The following INPP4B variants were observed in gnomAD, a reference collection of about 807,000 sequenced individuals.
INPP4B encodes inositol polyphosphate-4-phosphatase type II B.
Under a neutral mutation model 122.5 loss-of-function variants are expected in INPP4B, and 55 were observed. The ratio of observed to expected loss-of-function variants is 0.45; its 90% CI spans 0.36 to 0.56. The LOEUF (loss-of-function observed/expected upper bound fraction) is 0.56, where lower values mean the gene tolerates loss of function less well. Ranked by LOEUF, INPP4B falls within the 20% of genes least tolerant of loss-of-function variation. INPP4B has a pLI of 0.00. For synonymous variants in INPP4B, 403 were observed against 388.7 expected (o/e 1.04, Z -0.43); for missense variants, 1,000 against 1,097.7 (o/e 0.91, Z 1.26).
At chr4:142,390,400 C>T (rs538245849) in intron 7 of INPP4B, among the ~76,000 whole-genome samples, 1 of 152,242 alleles carries the variant, frequency 6.6e-6, no homozygotes, top group Non-Finnish European at 1.5e-5. Flanking sequence ...TTTGAGTCAT[C>T]ATTTTGGCTA....
chr4:142,732,946 A>G (rs1316651646), intron 1 of INPP4B, among the ~76,000 whole-genome samples: 1 of 152,194 alleles, frequency 6.6e-6, no homozygotes, highest in Non-Finnish European at 1.5e-5. Flanking sequence ...TAAGACAGTA[A>G]CTGGTACAAA....
intron 12 of INPP4B, among the ~76,000 whole-genome samples, chr4:142,210,840 T>A (rs1417451431): frequency 6.6e-6 from 1 of 151,730 alleles, no homozygotes; most frequent in South Asian, 2.1e-4. Flanking sequence ...GGTAGAAGAG[T>A]GATAGTGAAG....
intron 12 of INPP4B, among the ~76,000 whole-genome samples, chr4:142,215,190 GT>G (rs1389227093): frequency 6.6e-6 from 1 of 152,164 alleles, no homozygotes; most frequent in Non-Finnish European, 1.5e-5. Flanking sequence ...AAAACTGCTT[GT>G]TTATCTCAGA....
intron 2 of INPP4B, among the ~76,000 whole-genome samples, chr4:142,618,911 A>C (rs1443250785): frequency 2.6e-5 from 4 of 151,898 alleles, no homozygotes; most frequent in Non-Finnish European, 5.9e-5. Context: ...ATAACAGCCA[A>C]ATAAAAATAT....
In INPP4B at chr4:142,160,973, G is replaced by A. The variant is rs544860273; in HGVS notation, c.1360-412C>T. On this transcript the variant is annotated intron_variant, in intron 16 of 25. Transcript: ENST00000262992. The stretch of plus-strand genomic sequence containing the variant: ...AGTCTATGTGTATTTTATTAAAACC[G>A]CAATTACTTTTGCACCAGCCTAATA... 7.2e-5 allele frequency among the ~76,000 whole-genome samples: 11 copies of A among 151,996 alleles called. No individual in the cohort carries two copies. In the East Asian group the frequency reaches 7.8e-4, roughly 11 times the overall value.
intron 3 of INPP4B, among the ~76,000 whole-genome samples, chr4:142,452,315 C>T (rs1454572940): frequency 6.6e-6 from 1 of 152,142 alleles, no homozygotes; most frequent in African/African-American, 2.4e-5. Context: ...AACAGTGACC[C>T]GATGTCCTGA....
chr4:142,702,169 T>A (rs1192147201), intron 2 of INPP4B, among the ~76,000 whole-genome samples: 2 of 152,102 alleles, frequency 1.3e-5, no homozygotes, highest in Non-Finnish European at 2.9e-5. Flanking sequence ...TTTGTCCTCT[T>A]TAAGCTTTAG....
In INPP4B at chr4:142,288,736, C is replaced by T. The variant is rs1026363541; in HGVS notation, c.503+16722G>A. 8.6e-5 allele frequency among the ~76,000 whole-genome samples: 13 copies of T among 151,946 alleles called. 1 individual carries two copies. Among genetic ancestry groups the T allele is most frequent in the South Asian group, 2.1e-4 (1 of 4,816 alleles). On this transcript the variant is annotated intron_variant, in intron 9 of 25. Transcript: ENST00000262992. ...TTTCTTTTTCTCTGAAACATAACAG[C>T]GATATAGTATTGGGTAATTTGCTCA...
At chr4:142,632,204 G>A (rs961828173) in intron 2 of INPP4B, among the ~76,000 whole-genome samples, 2 of 152,108 alleles carry the variant, frequency 1.3e-5, no homozygotes, top group African/African-American at 2.4e-5. Context: ...ACTAGCATCC[G>A]ACATGGGGTC....
intron 16 of INPP4B, among the ~76,000 whole-genome samples, chr4:142,165,245 T>TATTCAACA (rs34003661): frequency 1 from 151,312 of 151,780 alleles, 75,423 homozygotes; most frequent in Middle Eastern, 1. Flanking sequence ...GTATCATTAG[T>TATTCAACA]ACTCAGAGTC....
At chr4:142,624,006 G>A (rs560233163) in intron 2 of INPP4B, among the ~76,000 whole-genome samples, 17 of 152,096 alleles carry the variant, frequency 1.1e-4, no homozygotes, top group Middle Eastern at 3.4e-3. Flanking sequence ...CTTTGCTATC[G>A]TGAATACTGC....
chr4:142,124,144 A>G (rs1178687627), intron 19 of INPP4B, among the ~76,000 whole-genome samples: 1 of 152,120 alleles, frequency 6.6e-6, no homozygotes, highest in Non-Finnish European at 1.5e-5. Flanking sequence ...TTTTAAAAAC[A>G]AAATAAGAGA....
intron 7 of INPP4B, among the ~76,000 whole-genome samples, chr4:142,315,927 A>C (rs902050613): frequency 2.6e-5 from 4 of 151,860 alleles, no homozygotes; most frequent in Non-Finnish European, 5.9e-5. Context: ...GACATACCTG[A>C]CCATACCAGG....
intron 3 of INPP4B, among the ~76,000 whole-genome samples, chr4:142,444,912 C>T (rs188102293): frequency 1.3e-5 from 2 of 151,992 alleles, no homozygotes; most frequent in South Asian, 4.1e-4. Flanking sequence ...AAACACACAG[C>T]CACGAAAAAC....
chr4:142,797,539 C>T (rs1451930373), intron 1 of INPP4B, among the ~76,000 whole-genome samples: 1 of 151,706 alleles, frequency 6.6e-6, no homozygotes, highest in Non-Finnish European at 1.5e-5. Flanking sequence ...AAAATGAAGA[C>T]AGAAAATATT....
At chr4:142,721,343 G>A (rs978489303) in intron 2 of INPP4B, among the ~76,000 whole-genome samples, 1 of 152,136 alleles carries the variant, frequency 6.6e-6, no homozygotes, top group African/African-American at 2.4e-5. Flanking sequence ...ATAGAGCAGA[G>A]TATATGCTCT....
chr4:142,403,873 A>T (rs889767046), intron 6 of INPP4B, among the ~76,000 whole-genome samples: 4 of 152,212 alleles, frequency 2.6e-5, no homozygotes, highest in Non-Finnish European at 4.4e-5. Context: ...ACAACTAAAA[A>T]TAGCAAAACA....
At chr4:142,763,460 C>A (rs1288921193) in intron 1 of INPP4B, among the ~76,000 whole-genome samples, 2 of 152,066 alleles carry the variant, frequency 1.3e-5, no homozygotes, top group African/African-American at 4.8e-5. Context: ...AAACAAACAA[C>A]AGAACATTGT....
At chr4:142,534,976 G>A (rs1828021356) in intron 2 of INPP4B, among the ~76,000 whole-genome samples, 1 of 152,070 alleles carries the variant, frequency 6.6e-6, no homozygotes, top group Admixed American at 6.6e-5. Flanking sequence ...GTTCCCTGGG[G>A]AAGTAAGAGT....
Sources: gnomAD v4.1 joint callset for allele counts (sites outside exome capture counted in the v4.1 genomes callset) on GRCh38, gnomAD v4.1.1 for gene constraint, MANE v1.5 for transcripts, NCBI Gene and HGNC (gene_info 2026-07-23, HGNC 2026-07-21) for gene names.